Variants in WWOX observed in about 807,000 individuals in gnomAD.
WWOX encodes the protein WW domain containing oxidoreductase, also known as WW domain-containing oxidoreductase.
A neutral mutation model predicts 46.2 loss-of-function variants in WWOX; 69 were observed. The ratio of observed to expected loss-of-function variants is 1.49; its 90% CI spans 1.23 to 1.82. WWOX has a LOEUF of 1.82. WWOX is among the 40% of genes most tolerant of loss of function. The pLI is 0.00. For missense variants in WWOX, 919 were observed against 542.6 expected (o/e 1.69, Z -6.89); for synonymous variants, 359 against 202.6 (o/e 1.77, Z -6.56).
At chr16:78,864,599 C>G (rs910875649) in intron 8 of WWOX, among the ~76,000 whole-genome samples, 2 of 151,932 alleles carry the variant, frequency 1.3e-5, no homozygotes, top group African/African-American at 4.8e-5. Flanking sequence ...CAGGGCTGCA[C>G]ATAACCTCCA....
At chr16:79,064,574 A>G (rs2048409478) in intron 8 of WWOX, among the ~76,000 whole-genome samples, 1 of 152,234 alleles carries the variant, frequency 6.6e-6, no homozygotes, top group Admixed American at 6.5e-5. Flanking sequence ...CATGTGGCTT[A>G]TCAAGCACAG....
At chr16:78,547,363 G>C (rs371434888) in intron 8 of WWOX, among the ~76,000 whole-genome samples, 2 of 152,110 alleles carry the variant, frequency 1.3e-5, no homozygotes, top group East Asian at 3.9e-4. Flanking sequence ...AGAGAGGTTA[G>C]ATGTGTATCT....
chr16:78,515,377 C>T (rs190793773), intron 8 of WWOX, among the ~76,000 whole-genome samples: 4 of 152,226 alleles, frequency 2.6e-5, no homozygotes, highest in East Asian at 1.9e-4. Flanking sequence ...CTAAGCTCAT[C>T]GTAGTTACTT....
chr16:78,787,196 C>T (rs1320932933), intron 8 of WWOX, among the ~76,000 whole-genome samples: 1 of 152,136 alleles, frequency 6.6e-6, no homozygotes, highest in Non-Finnish European at 1.5e-5. Flanking sequence ...CCACTTTGAC[C>T]ATTTTAAAGT....
At chr16:78,648,333 C>T (rs1036463277) in intron 8 of WWOX, among the ~76,000 whole-genome samples, 1 of 152,188 alleles carries the variant, frequency 6.6e-6, no homozygotes, top group East Asian at 1.9e-4. Flanking sequence ...GGTGGGTGCT[C>T]ACTCCTTCAT....
chr16:79,054,936 C>T (rs1376827670), intron 8 of WWOX, among the ~76,000 whole-genome samples: 1 of 152,174 alleles, frequency 6.6e-6, no homozygotes, highest in East Asian at 1.9e-4. Flanking sequence ...GCAGCAAATA[C>T]CAAGTGAGAT....
At chr16:78,282,122 G>A (rs933724664) in intron 5 of WWOX, among the ~76,000 whole-genome samples, 11 of 152,146 alleles carry the variant, frequency 7.2e-5, no homozygotes, top group South Asian at 2.1e-4. Context: ...GCGGTTCTCT[G>A]CAGCCTGGGC....
chr16:78,257,782 G>T (rs1477038500), intron 5 of WWOX, among the ~76,000 whole-genome samples: 2 of 152,270 alleles, frequency 1.3e-5, no homozygotes, highest in Admixed American at 6.5e-5. Flanking sequence ...AAAGTGATTT[G>T]ATAACTTTCA....
chr16:78,673,975 C>T (rs1029894350), intron 8 of WWOX, among the ~76,000 whole-genome samples: 1 of 152,064 alleles, frequency 6.6e-6, no homozygotes. Flanking sequence ...ATGGAAAGTA[C>T]TAGCTTGGAG....
At chr16:78,816,218 C>T (rs1165401454) in intron 8 of WWOX, among the ~76,000 whole-genome samples, 1 of 152,154 alleles carries the variant, frequency 6.6e-6, no homozygotes, top group Non-Finnish European at 1.5e-5. Context: ...AAATTTGGGA[C>T]GCTGGATAGG....
chr16:78,741,528 A>T (rs941613238), intron 8 of WWOX, among the ~76,000 whole-genome samples: 1 of 151,936 alleles, frequency 6.6e-6, no homozygotes, highest in Non-Finnish European at 1.5e-5. Context: ...ACTGCACCCC[A>T]GCCTGGGCGA....
At chr16:78,423,819 C>G (rs114807438) in intron 6 of WWOX, among the ~76,000 whole-genome samples, 1,630 of 148,280 alleles carry the variant, frequency 0.011, 36 homozygotes, top group African/African-American at 0.038. Context: ...GCACTCCAGC[C>G]TGGATGACAG....
At chr16:78,942,382 C>G (rs879075453) in intron 8 of WWOX, among the ~76,000 whole-genome samples, 2 of 152,134 alleles carry the variant, frequency 1.3e-5, no homozygotes, top group Non-Finnish European at 2.9e-5. Flanking sequence ...ATATTTGATA[C>G]TCTCTTTTGC....
intron 6 of WWOX, among the ~76,000 whole-genome samples, chr16:78,396,682 C>T (rs1189670716): frequency 6.6e-6 from 1 of 152,228 alleles, no homozygotes; most frequent in Non-Finnish European, 1.5e-5. Flanking sequence ...CTAGACTAGA[C>T]ATTCGTCGGC....
chr16:78,795,542 G>GA (rs887288984), intron 8 of WWOX, among the ~76,000 whole-genome samples: 1 of 151,946 alleles, frequency 6.6e-6, no homozygotes, highest in Non-Finnish European at 1.5e-5. Context: ...TCCCAATTCT[G>GA]AAAAAAAGGA....
intron 8 of WWOX, among the ~76,000 whole-genome samples, chr16:79,152,803 G>T (rs1181983779): frequency 3.9e-5 from 6 of 152,194 alleles, no homozygotes; most frequent in African/African-American, 1.2e-4. Flanking sequence ...CCTTCTTTGT[G>T]TCAGGTGGGC....
intron 5 of WWOX, among the ~76,000 whole-genome samples, chr16:78,360,858 T>C (rs2081394705): frequency 6.6e-6 from 1 of 151,618 alleles, no homozygotes; most frequent in Non-Finnish European, 1.5e-5. Flanking sequence ...TCTCACTCTG[T>C]CACCCAGGCT....
At chr16:78,514,201 T>C (rs551947777) in intron 8 of WWOX, among the ~76,000 whole-genome samples, 1 of 152,336 alleles carries the variant, frequency 6.6e-6, no homozygotes, top group African/African-American at 2.4e-5. Context: ...GTCTATGTTA[T>C]AGAACATTCT....
At chr16:78,383,907 C>G (rs540562746) in intron 5 of WWOX, among the ~76,000 whole-genome samples, 51 of 152,158 alleles carry the variant, frequency 3.4e-4, no homozygotes, top group African/African-American at 1.2e-3. Flanking sequence ...CCCTTTTTCC[C>G]TTAGAGTTAT....
Sources: allele counts gnomAD v4.1 joint callset (sites outside exome capture counted in the v4.1 genomes callset), GRCh38; gene constraint gnomAD v4.1.1; transcripts MANE v1.5; gene names NCBI Gene and HGNC (gene_info 2026-07-23, HGNC 2026-07-21).